The following KALRN variants were observed in gnomAD, a reference collection of about 807,000 sequenced individuals.
The protein encoded by KALRN is kalirin.
KALRN carries 70 observed loss-of-function variants against 353.7 expected under a neutral mutation model. That is an observed-to-expected ratio of 0.20 (90% CI 0.16 to 0.24). KALRN has a LOEUF of 0.24. Among genes scored for constraint, KALRN ranks in the 10% least tolerant of loss-of-function variants. The pLI is 1.00. For synonymous variants in KALRN, 1,391 were observed against 1,434.8 expected (o/e 0.97, Z 0.69); for missense variants, 2,791 against 3,756.7 (o/e 0.74, Z 6.72).
At chr3:124,222,698 C>T (rs1240480753) in intron 1 of KALRN, among the ~76,000 whole-genome samples, 3 of 152,138 alleles carry the variant, frequency 2.0e-5, no homozygotes, top group Admixed American at 2.0e-4. Context: ...ACCTCCCTGG[C>T]TCAATCAATC....
intron 48 of KALRN, 73 bp downstream of exon 48, chr3:124,671,971 A>G (rs1339332198): frequency 1.7e-6 from 2 of 1,153,568 alleles, no homozygotes; most frequent in Non-Finnish European, 2.6e-6. Context: ...TAGGAAGAGA[A>G]GGAGTCTCGG....
intron 12 of KALRN, 63 bp downstream of exon 12, chr3:124,395,406 C>A: frequency 7.1e-7 from 1 of 1,400,260 alleles, no homozygotes; most frequent in Non-Finnish European, 9.9e-7. Context: ...TAAGTCCTGT[C>A]CCAGTCTTGA....
chr3:124,586,753 G>A (rs930705511), intron 34 of KALRN, among the ~76,000 whole-genome samples: 6 of 152,160 alleles, frequency 3.9e-5, no homozygotes, highest in Admixed American at 3.3e-4. Flanking sequence ...GTGGGTGCCC[G>A]GGGCCTTCTC....
intron 1 of KALRN, among the ~76,000 whole-genome samples, chr3:124,199,183 C>A (rs1001828047): frequency 6.6e-6 from 1 of 152,244 alleles, no homozygotes; most frequent in African/African-American, 2.4e-5. Context: ...CTGACATTCA[C>A]TCTTGCTGCT....
intron 10 of KALRN, among the ~76,000 whole-genome samples, chr3:124,380,186 CT>C (rs2087150155): frequency 6.6e-6 from 1 of 151,976 alleles, no homozygotes; most frequent in African/African-American, 2.4e-5. Flanking sequence ...TCTCCCACCC[CT>C]TGCCTTTAAA....
intron 34 of KALRN, among the ~76,000 whole-genome samples, chr3:124,611,792 C>A (rs879395675): frequency 6.6e-6 from 1 of 152,212 alleles, no homozygotes; most frequent in African/African-American, 2.4e-5. Flanking sequence ...CCACCAGCTG[C>A]GCTCCAGCCA....
intron 33 of KALRN, among the ~76,000 whole-genome samples, chr3:124,539,024 G>A (rs999004594): frequency 6.6e-6 from 1 of 152,138 alleles, no homozygotes; most frequent in Admixed American, 6.5e-5. Context: ...GTGCCTGGGG[G>A]GCTGGTGCAG....
At chr3:124,307,360 A>G (rs1309493924) in intron 6 of KALRN, among the ~76,000 whole-genome samples, 1 of 152,108 alleles carries the variant, frequency 6.6e-6, no homozygotes, top group Non-Finnish European at 1.5e-5. Flanking sequence ...AGCTATAAAT[A>G]TATAGTAATC....
At chr3:124,131,017 G>T (rs2065213854) in intron 1 of KALRN, among the ~76,000 whole-genome samples, 1 of 152,044 alleles carries the variant, frequency 6.6e-6, no homozygotes, top group Non-Finnish European at 1.5e-5. Context: ...ATCTTGGTCT[G>T]GTGATTATAT....
At chr3:124,608,880 T>TA (rs1485716386) in intron 34 of KALRN, among the ~76,000 whole-genome samples, 3 of 152,176 alleles carry the variant, frequency 2.0e-5, no homozygotes, top group Non-Finnish European at 4.4e-5. Flanking sequence ...CTGGAAATCA[T>TA]ACGTGGGGTT....
rs546369309 is a variant in KALRN, at chr3:124,661,148, G to A, written c.6267+175G>A. 9.2e-5 allele frequency among the ~76,000 whole-genome samples: 14 copies of A among 152,278 alleles called. 1 individual carries two copies. The Middle Eastern group carries it at 0.01, about 111-fold the overall frequency. On this transcript the variant is annotated intron_variant, in intron 44 of 59. Transcript: ENST00000682506. ...TTGAGGAATGGCAAGTGTTAACACA[G>A]TGTTTCCTAGAACTAAAGAAATCTG...
chr3:124,304,775 T>C (rs2077551113), intron 6 of KALRN, among the ~76,000 whole-genome samples: 1 of 152,188 alleles, frequency 6.6e-6, no homozygotes, highest in African/African-American at 2.4e-5. Flanking sequence ...CCAGAAAGCT[T>C]CAACCAAGAA....
chr3:124,649,788 A>T (rs2083179254), intron 37 of KALRN, among the ~76,000 whole-genome samples: 1 of 102,788 alleles, frequency 9.7e-6, no homozygotes, highest in Non-Finnish European at 1.9e-5. Flanking sequence ...ACCCTGTCTC[A>T]AAATAGATAG....
chr3:124,693,733 A>G (rs1412141269), intron 51 of KALRN, 71 bp from the exon 52 acceptor site: 5 of 1,026,748 alleles, frequency 4.9e-6, no homozygotes, highest in Non-Finnish European at 7.3e-6. Flanking sequence ...TTTACTCAAT[A>G]CGGTGAAGTC....
At chr3:124,055,174 G>A (rs1356333897) in intron 1 of KALRN, among the ~76,000 whole-genome samples, 1 of 152,174 alleles carries the variant, frequency 6.6e-6, no homozygotes, top group Admixed American at 6.5e-5. Flanking sequence ...AACAGATTTT[G>A]TAATGTATCA....
intron 5 of KALRN, among the ~76,000 whole-genome samples, chr3:124,290,030 G>A (rs1027948214): frequency 6.6e-6 from 1 of 152,142 alleles, no homozygotes; most frequent in Admixed American, 6.5e-5. Context: ...GAAGTGGGAG[G>A]TAAGTTTAGA....
In KALRN at chr3:124,495,965, G is replaced by GTGTATA. The variant is rs1239001137; in HGVS notation, c.4833-345_4833-344insGTATAT. 1.9e-3 allele frequency among the ~76,000 whole-genome samples: 77 copies of GTGTATA among 41,470 alleles called. 1 individual carries two copies. The highest frequency in any genetic ancestry group is 3.1e-3 in the Admixed American group (10 of 3,184). 27.2% of individuals were successfully genotyped at this position (41,470 alleles called of 152,430 possible). On this transcript the variant is annotated intron_variant, in intron 32 of 59. Transcript: ENST00000682506. ...CCCAAGTGTGTGTATGTGTATGTAT[G>GTGTATA]TATATATATATATATATATATATAT...
At chr3:124,642,831 C>G (rs546004847) in intron 37 of KALRN, among the ~76,000 whole-genome samples, 1 of 32,752 alleles carries the variant, frequency 3.1e-5, no homozygotes, top group African/African-American at 1.9e-4. Flanking sequence ...TTTTTTGAGA[C>G]GGAGTTTTGC....
chr3:124,422,217 T>C (rs1030402891), intron 14 of KALRN, among the ~76,000 whole-genome samples: 8 of 152,204 alleles, frequency 5.3e-5, no homozygotes, highest in African/African-American at 1.9e-4. Flanking sequence ...CTTATATTTC[T>C]AACAGTGCCT....
Sources: allele counts gnomAD v4.1 joint callset (sites outside exome capture counted in the v4.1 genomes callset), GRCh38; gene constraint gnomAD v4.1.1; transcripts MANE v1.5; gene names NCBI Gene and HGNC (gene_info 2026-07-23, HGNC 2026-07-21).